METTL8: variants seen among roughly 807,000 people sequenced by gnomAD.
The protein encoded by METTL8 is tRNA N(3)-cytidine methyltransferase METTL8, mitochondrial.
METTL8 carries 32 observed loss-of-function variants against 48.7 expected under a neutral mutation model. The ratio of observed to expected loss-of-function variants is 0.66; its 90% CI spans 0.50 to 0.88. The LOEUF (loss-of-function observed/expected upper bound fraction) is 0.88, where lower values mean the gene tolerates loss of function less well. Ranked by LOEUF, METTL8 falls within the 40% of genes least tolerant of loss-of-function variation. The pLI, the probability that METTL8 is intolerant of heterozygous loss-of-function variation, is 0.00. For missense variants in METTL8, 464 were observed against 474.4 expected, an observed-to-expected ratio of 0.98 and a Z score of 0.20; for synonymous variants, 136 against 157.1, an observed-to-expected ratio of 0.87 and a Z score of 1.01.
chr2:171,333,651 T>C (rs901507561), intron 5 of METTL8, among the ~76,000 whole-genome samples: 2 of 152,218 alleles, frequency 1.3e-5, no homozygotes, highest in African/African-American at 4.8e-5. Context: ...TTTTTTCTGA[T>C]TAAATCCATA....
At chr2:171,395,923 AACATTC>A (rs1287978115) in intron 1 of METTL8, among the ~76,000 whole-genome samples, 9 of 152,312 alleles carry the variant, frequency 5.9e-5, no homozygotes, top group Middle Eastern at 3.4e-3. Context: ...ATGAACATGG[AACATTC>A]ACCAAGGTAG....
chr2:171,433,776 G>C (rs954536000), intron 1 of METTL8, 107 bp downstream of exon 1: 1 of 152,326 alleles, frequency 6.6e-6, no homozygotes, highest in Non-Finnish European at 1.5e-5. Context: ...CCAGTTTGGA[G>C]GGTGAAACTA....
intron 2 of METTL8, among the ~76,000 whole-genome samples, chr2:171,373,990 A>C (rs889378772): frequency 8.5e-5 from 13 of 152,178 alleles, no homozygotes; most frequent in Non-Finnish European, 1.6e-4. Context: ...TGTGAACTTT[A>C]AAGTAGTTTT....
At chr2:171,380,246 T>A (rs2105526800) in intron 2 of METTL8, among the ~76,000 whole-genome samples, 1 of 152,296 alleles carries the variant, frequency 6.6e-6, no homozygotes, top group South Asian at 2.1e-4. Flanking sequence ...ATGGAACATA[T>A]CTCAAAATAA....
intron 2 of METTL8, among the ~76,000 whole-genome samples, chr2:171,363,167 T>A (rs1685338224): frequency 6.6e-6 from 1 of 152,222 alleles, no homozygotes; most frequent in African/African-American, 2.4e-5. Flanking sequence ...TACTTCATTT[T>A]CTTAACTGCT....
chr2:171,387,557 T>C (rs34787101), intron 2 of METTL8, among the ~76,000 whole-genome samples: 37,720 of 151,514 alleles, frequency 0.25, 4,912 homozygotes, highest in African/African-American at 0.28. Flanking sequence ...AAAAAAATTT[T>C]TTTTTAAATA....
intron 3 of METTL8, among the ~76,000 whole-genome samples, chr2:171,351,487 C>T (rs931467924): frequency 6.6e-6 from 1 of 152,030 alleles, no homozygotes; most frequent in African/African-American, 2.4e-5. Flanking sequence ...TAGTTTTTTC[C>T]AATTCTGTGA....
intron 3 of METTL8, among the ~76,000 whole-genome samples, chr2:171,357,152 T>C (rs2105464634): frequency 6.6e-6 from 1 of 151,798 alleles, no homozygotes; most frequent in East Asian, 1.9e-4. Context: ...AGAGATAGGG[T>C]TTCACCATGT....
chr2:171,428,488 A>G (rs574325463), intron 1 of METTL8, among the ~76,000 whole-genome samples: 2 of 152,134 alleles, frequency 1.3e-5, no homozygotes, highest in South Asian at 4.2e-4. Flanking sequence ...TCAAGCAAAT[A>G]AAGTTAAAAA....
intron 1 of METTL8, among the ~76,000 whole-genome samples, chr2:171,413,226 A>G (rs1231935555): frequency 6.6e-6 from 1 of 152,208 alleles, no homozygotes; most frequent in African/African-American, 2.4e-5. Context: ...ACTTACTGGG[A>G]TTTGGTGTAG....
At chr2:171,385,766 G>C (rs1275227358) in intron 2 of METTL8, among the ~76,000 whole-genome samples, 1 of 152,208 alleles carries the variant, frequency 6.6e-6, no homozygotes, top group Non-Finnish European at 1.5e-5. Flanking sequence ...AGGTGAGAGG[G>C]AAAAGGAAGT....
Position 171,321,406 on chromosome 2 carries a change from C to CA in METTL8, c.*2765dup, listed in dbSNP as rs1684517096. Reference sequence around the variant, plus strand: ...AGCTGGGACAACAGGTGCGTGCCACCATCACTGGCTAATTTTTGTATTTTT... The same window carrying CA: ...AGCTGGGACAACAGGTGCGTGCCACCAATCACTGGCTAATTTTTGTATTTTT... On this transcript the variant is annotated 3_prime_UTR_variant, in exon 10 of 10. Transcript: ENST00000375258. The CA allele has an allele frequency of 6.6e-6, 1 of 152,188 alleles. No homozygotes were observed. The highest frequency in any genetic ancestry group is 1.5e-5 in the Non-Finnish European group (1 of 68,068). 9.4% of individuals were successfully genotyped at this position (152,188 alleles called of 1,614,324 possible).
At chr2:171,415,964 T>C (rs531457918) in intron 1 of METTL8, among the ~76,000 whole-genome samples, 1 of 152,252 alleles carries the variant, frequency 6.6e-6, no homozygotes, top group African/African-American at 2.4e-5. Flanking sequence ...AAGAAATTAT[T>C]AGAAAAGGAA....
intron 2 of METTL8, among the ~76,000 whole-genome samples, chr2:171,361,625 TA>T (rs1685179678): frequency 1.3e-5 from 2 of 152,192 alleles, no homozygotes; most frequent in Admixed American, 6.5e-5. Flanking sequence ...TTGATAGGGT[TA>T]TAATCATGTC....
At chr2:171,373,140 C>A (rs1347356910) in intron 2 of METTL8, among the ~76,000 whole-genome samples, 1 of 152,228 alleles carries the variant, frequency 6.6e-6, no homozygotes, top group African/African-American at 2.4e-5. Flanking sequence ...TCCTCTCCAG[C>A]ACCTGCTGTT....
intron 1 of METTL8, among the ~76,000 whole-genome samples, chr2:171,393,348 T>C (rs546361804): frequency 6.7e-4 from 96 of 142,886 alleles, no homozygotes; most frequent in African/African-American, 2.5e-3. Flanking sequence ...TAGTGAGCCA[T>C]GATCATGCCA....
chr2:171,374,169 C>A (rs933463090), intron 2 of METTL8, among the ~76,000 whole-genome samples: 1 of 151,888 alleles, frequency 6.6e-6, no homozygotes, highest in African/African-American at 2.4e-5. Flanking sequence ...CCTTCGCATC[C>A]CTTGTAAGTT....
At position 171,323,511 on chromosome 2, in the gene METTL8, G is replaced by C. The variant is rs1575700827; in HGVS notation, c.*661C>G. 6.6e-6 allele frequency: 1 copy of C among 152,220 alleles called. No individual in the cohort carries two copies. Among genetic ancestry groups the C allele is most frequent in the South Asian group, 2.1e-4 (1 of 4,832 alleles). The allele number at this position is 152,220 out of a possible 1,614,324, so 9.4% of individuals were successfully genotyped here. ...AGCCCCCCAAAGTGCTGGGATTACAGGTGCGAGCCATTGCACCTGGCCTAA... is the reference window on the plus strand; with the variant it reads ...AGCCCCCCAAAGTGCTGGGATTACACGTGCGAGCCATTGCACCTGGCCTAA... On this transcript the variant is annotated 3_prime_UTR_variant, in exon 10 of 10. Coordinates refer to ENST00000375258, the MANE Select transcript of METTL8 (RefSeq NM_001321154.2).
chr2:171,399,549 A>C (rs1375273680), intron 1 of METTL8, among the ~76,000 whole-genome samples: 2 of 152,144 alleles, frequency 1.3e-5, no homozygotes, highest in African/African-American at 4.8e-5. Context: ...CTTGATACAG[A>C]AGGCCAACTT....
Sources: gnomAD v4.1 joint callset for allele counts (sites outside exome capture counted in the v4.1 genomes callset) on GRCh38, gnomAD v4.1.1 for gene constraint, MANE v1.5 for transcripts, NCBI Gene and HGNC (gene_info 2026-07-23, HGNC 2026-07-21) for gene names.